Variants in TMEM132D observed in about 807,000 individuals in gnomAD.
TMEM132D encodes the protein transmembrane protein 132D.
A neutral mutation model predicts 62.3 loss-of-function variants in TMEM132D; 21 were observed. That is an observed-to-expected ratio of 0.34 (90% confidence interval 0.24 to 0.49). TMEM132D has a LOEUF of 0.49. Among genes scored for constraint, TMEM132D ranks in the 20% least tolerant of loss-of-function variants. The pLI is 0.99. For missense variants in TMEM132D, 1,346 were observed against 1,402.8 expected, an observed-to-expected ratio of 0.96 and a Z score of 0.65; for synonymous variants, 621 against 575.6, an observed-to-expected ratio of 1.08 and a Z score of -1.13.
At chr12:129,441,500 G>A (rs912196135) in intron 3 of TMEM132D, among the ~76,000 whole-genome samples, 2 of 152,174 alleles carry the variant, frequency 1.3e-5, no homozygotes, top group African/African-American at 4.8e-5. Flanking sequence ...GACTGTTTGC[G>A]GGAGCTGGAG....
chr12:129,662,107 T>C (rs1880249217), intron 2 of TMEM132D, among the ~76,000 whole-genome samples: 1 of 152,246 alleles, frequency 6.6e-6, no homozygotes, highest in African/African-American at 2.4e-5. Flanking sequence ...TCTTAAATCA[T>C]ACATGATCTG....
chr12:129,784,093 G>A (rs978714559), intron 1 of TMEM132D, among the ~76,000 whole-genome samples: 1 of 152,190 alleles, frequency 6.6e-6, no homozygotes, highest in Non-Finnish European at 1.5e-5. Flanking sequence ...AGTTTAGGGT[G>A]ACATTAACTA....
chr12:129,896,469 C>T (rs1053766144), intron 1 of TMEM132D, among the ~76,000 whole-genome samples: 10 of 152,182 alleles, frequency 6.6e-5, no homozygotes, highest in African/African-American at 2.2e-4. Context: ...CTTTGAGTCT[C>T]GGCAGGCTAT....
chr12:129,677,993 T>C (rs1180394533), intron 2 of TMEM132D, among the ~76,000 whole-genome samples: 1 of 152,246 alleles, frequency 6.6e-6, no homozygotes, highest in Non-Finnish European at 1.5e-5. Context: ...TTGATGTGTC[T>C]AGCTGTAACT....
intron 4 of TMEM132D, among the ~76,000 whole-genome samples, chr12:129,321,838 C>T (rs997977176): frequency 4.6e-5 from 7 of 152,338 alleles, no homozygotes; most frequent in African/African-American, 1.7e-4. Flanking sequence ...GGATTACAGG[C>T]GTGAGCCACT....
intron 3 of TMEM132D, among the ~76,000 whole-genome samples, chr12:129,380,458 A>G (rs930842817): frequency 2.0e-5 from 3 of 152,186 alleles, no homozygotes; most frequent in Non-Finnish European, 4.4e-5. Flanking sequence ...GCTTCTCTCA[A>G]TTGTAACATC....
chr12:129,799,642 C>G (rs1871697231), intron 1 of TMEM132D, among the ~76,000 whole-genome samples: 1 of 152,112 alleles, frequency 6.6e-6, no homozygotes, highest in South Asian at 2.1e-4. Flanking sequence ...GTCTCTCACA[C>G]TTGCGCACTT....
Position 129,773,935 on chromosome 12 carries a change from G to A in TMEM132D, c.80-73237C>T, listed in dbSNP as rs559796651. On this transcript the variant is annotated intron_variant, in intron 1 of 8. Transcript: ENST00000422113. ...TGAGAATGCTAAGATATACAGCTCTGGTTACTAAATGAGACAATGCATATA... is the reference window on the plus strand; with the variant it reads ...TGAGAATGCTAAGATATACAGCTCTAGTTACTAAATGAGACAATGCATATA... Among the ~76,000 whole-genome samples the A allele has an allele frequency of 7.9e-4, 120 of 152,098 alleles. 2 individuals carry two copies. Among genetic ancestry groups the A allele is most frequent in the African/African-American group, 1.1e-3 (44 of 41,426 alleles).
At chr12:129,613,571 T>C (rs954282475) in intron 2 of TMEM132D, among the ~76,000 whole-genome samples, 1 of 152,194 alleles carries the variant, frequency 6.6e-6, no homozygotes, top group African/African-American at 2.4e-5. Context: ...CAGTTTAAAC[T>C]ATGCAGGAGG....
chr12:129,477,795 T>C (rs7313966), intron 3 of TMEM132D, among the ~76,000 whole-genome samples: 1,888 of 151,754 alleles, frequency 0.012, 33 homozygotes, highest in African/African-American at 0.044. Context: ...CACTCCAGCC[T>C]GGGCAATAGA....
intron 2 of TMEM132D, among the ~76,000 whole-genome samples, chr12:129,581,080 C>T (rs1414357712): frequency 1.3e-5 from 2 of 152,208 alleles, no homozygotes; most frequent in African/African-American, 2.4e-5. Context: ...GGCTTGGTGT[C>T]ATCCTTGCAG....
chr12:129,081,739 A>G lies in TMEM132D; in HGVS notation c.1923+20T>C, dbSNP rs1180994192. On this transcript the variant is annotated intron_variant, in intron 7 of 8. Coordinates refer to ENST00000422113, the MANE Select transcript of TMEM132D (RefSeq NM_133448.3). The stretch of plus-strand genomic sequence containing the variant: ...AAGACAGAGAGATCTTGATTTGGGG[A>G]TTTTTTTTTTTTTTTTTACCTGAAT... 1.4e-6 allele frequency: 2 copies of G among 1,481,372 alleles called. No homozygotes were observed. Among genetic ancestry groups the G allele is most frequent in the South Asian group, 2.7e-5 (2 of 72,744 alleles). The allele number at this position is 1,481,372 out of a possible 1,614,324, so 91.8% of individuals were successfully genotyped here.
At chr12:129,316,821 G>A (rs1208822620) in intron 4 of TMEM132D, among the ~76,000 whole-genome samples, 1 of 151,988 alleles carries the variant, frequency 6.6e-6, no homozygotes, top group Non-Finnish European at 1.5e-5. Flanking sequence ...TATAAATTTG[G>A]GAGCTCCAGT....
intron 1 of TMEM132D, among the ~76,000 whole-genome samples, chr12:129,836,973 G>T (rs950241448): frequency 1.1e-4 from 17 of 152,142 alleles, no homozygotes; most frequent in Admixed American, 6.5e-4. Flanking sequence ...AAGCAAAGAA[G>T]AAAATGTAAA....
At chr12:129,212,381 C>T (rs1273249748) in intron 4 of TMEM132D, 5 of 152,192 alleles carry the variant, frequency 3.3e-5, no homozygotes, top group South Asian at 2.1e-4. Context: ...AATTCTTTGA[C>T]GTCACGAATT....
chr12:129,486,418 C>CG (rs1555260384), intron 3 of TMEM132D, among the ~76,000 whole-genome samples: 1 of 152,164 alleles, frequency 6.6e-6, no homozygotes, highest in Non-Finnish European at 1.5e-5. Flanking sequence ...ATACATGTCA[C>CG]GGGTGGGCCT....
intron 1 of TMEM132D, among the ~76,000 whole-genome samples, chr12:129,830,647 T>G (rs1872801653): frequency 6.6e-6 from 1 of 152,118 alleles, no homozygotes; most frequent in African/African-American, 2.4e-5. Context: ...CCCAACCACC[T>G]TGGGCACAAG....
chr12:129,355,424 T>TGGA (rs1017362138), intron 3 of TMEM132D, among the ~76,000 whole-genome samples: 20 of 137,960 alleles, frequency 1.4e-4, no homozygotes, highest in Admixed American at 1.2e-3. Flanking sequence ...TGGGGTAAGG[T>TGGA]GGAGGGGTGG....
At chr12:129,777,481 G>T (rs1181037092) in intron 1 of TMEM132D, among the ~76,000 whole-genome samples, 1 of 152,122 alleles carries the variant, frequency 6.6e-6, no homozygotes, top group Admixed American at 6.6e-5. Context: ...TACCAGAACG[G>T]CCACCCAGCC....
Sources: allele counts gnomAD v4.1 joint callset (sites outside exome capture counted in the v4.1 genomes callset), GRCh38; gene constraint gnomAD v4.1.1; transcripts MANE v1.5; gene names NCBI Gene and HGNC (gene_info 2026-07-23, HGNC 2026-07-21).